The following E2F4 variants were observed in gnomAD, a reference collection of about 807,000 sequenced individuals.
E2F4 encodes the protein E2F transcription factor 4.
A neutral mutation model predicts 44.5 loss-of-function variants in E2F4; 16 were observed. That is an observed-to-expected ratio of 0.36 (90% confidence interval 0.24 to 0.55). The LOEUF (loss-of-function observed/expected upper bound fraction) is 0.55, where lower values mean the gene tolerates loss of function less well. Among genes scored for constraint, E2F4 ranks in the 20% least tolerant of loss-of-function variants. The probability of loss-of-function intolerance (pLI) is 0.87; values close to 1 mark genes in which losing one functional copy is unlikely to be tolerated. For missense variants in E2F4, 473 were observed against 522.1 expected (o/e 0.91, Z 0.92); for synonymous variants, 242 against 207.2 (o/e 1.17, Z -1.44).
Position 67,196,365 on chromosome 16 carries a change from AC to A in E2F4, c.1033+366del, listed in dbSNP as rs920310920. Among the ~76,000 whole-genome samples the A allele has an allele frequency of 1.3e-4, 20 of 150,724 alleles. No homozygotes were observed. The East Asian group carries it at 2.0e-3, about 15-fold the overall frequency. ...AGTCACCTTTCAGGTTGCAGCAGTC[AC>A]CCCCCCAGCCCCAGTGTTACAGCGG... On this transcript the variant is annotated intron_variant, in intron 7 of 9. Coordinates refer to ENST00000379378, the MANE Select transcript of E2F4 (RefSeq NM_001950.4).
intron 1 of E2F4, 103 bp from the exon 2 acceptor site, chr16:67,192,658 C>G (rs1190413846): frequency 8.5e-7 from 1 of 1,172,350 alleles, no homozygotes; most frequent in Admixed American, 2.1e-5. Flanking sequence ...CTGGGAGGCA[C>G]TACAGGGTTG....
Position 67,194,731 on chromosome 16 carries a change from A to G in E2F4, c.559A>G (p.Ser187Gly), listed in dbSNP as rs1369002651. The change falls in exon 6 of 10, where the codon AGT (serine) becomes GGT (glycine). Residue 187 changes from serine to glycine, a missense_variant. By Grantham distance (56) the Ser-to-Gly change is moderately conservative (BLOSUM62 0). This residue lies in a region of E2F4 where 314 missense variants were observed against 315.6 expected (regional missense o/e 0.99). Transcript: ENST00000379378. ...GTACCAGATTCACCTGAAGAGTGTG[A>G]GTGGTCCCATTGAGGTTCTGCTGGT... The part of the protein sequence containing the change: ...KKYQIHLKSV[S>G]GPIEVLLVNK... The G allele has an allele frequency of 1.2e-6, 2 of 1,614,148 alleles. No individual in the cohort carries two copies. The highest frequency in any genetic ancestry group is 4.5e-5 in the East Asian group (2 of 44,882).
chr16:67,195,667 C>T (rs1567688433), intron 6 of E2F4, 115 bp from the exon 7 acceptor site: 3 of 1,534,778 alleles, frequency 2.0e-6, no homozygotes, highest in East Asian at 4.8e-5. Context: ...ATGCCTAATT[C>T]TCCTTGGGTC....
intron 6 of E2F4, chr16:67,195,577 C>T (rs961039359): frequency 2.6e-5 from 28 of 1,097,130 alleles, no homozygotes; most frequent in Middle Eastern, 3.1e-4. Flanking sequence ...ATGTTGACCA[C>T]GAGTCTTCTT....
chr16:67,197,523 A>G, intron 7 of E2F4, 76 bp from the exon 8 acceptor site: 1 of 1,497,870 alleles, frequency 6.7e-7, no homozygotes, highest in South Asian at 1.1e-5. Flanking sequence ...GTGGTATAGG[A>G]TCCGAGGAAG....
intron 5 of E2F4, 96 bp from the exon 6 acceptor site, chr16:67,194,590 G>A: frequency 6.4e-7 from 1 of 1,567,826 alleles, no homozygotes. Context: ...GGCATCCTGG[G>A]TGGGAGAGGA....
Position 67,198,849 on chromosome 16 carries a change from C to T in E2F4, c.*726C>T, listed in dbSNP as rs2142215630. On this transcript the variant is annotated 3_prime_UTR_variant, in exon 10 of 10. Transcript: ENST00000379378. ...TTCCTATATAAAGATTATTTTTATA[C>T]TTTTTGCAGCAAAAGGAAATTGTAA... 2.6e-6 allele frequency: 1 copy of T among 389,900 alleles called. No homozygotes were observed. The highest frequency in any genetic ancestry group is 4.6e-6 in the Non-Finnish European group (1 of 216,692). 24.2% of individuals were successfully genotyped at this position (389,900 alleles called of 1,614,324 possible).
In E2F4 at chr16:67,197,880, G is replaced by A. The variant is rs757660011; in HGVS notation, c.1095G>A (p.Ser365=). ...CTCCATTCCCAGAGTGCATGAGCTC[G>A]GAGCTGCTGGAGGAGTTGATGTCCT... ...IFDPTRECMS[S]ELLEELMSSE... is the part of the protein sequence containing the mutation. Residue 365 remains serine, a synonymous_variant, in exon 9 of 10, where the codon TCG becomes TCA. Coordinates refer to ENST00000379378, the MANE Select transcript of E2F4 (RefSeq NM_001950.4). The A allele has an allele frequency of 5.6e-6, 9 of 1,613,986 alleles. No individual in the cohort carries two copies. The highest frequency in any genetic ancestry group is 1.3e-5 in the African/African-American group (1 of 74,882).
At chr16:67,197,504 T>C in intron 7 of E2F4, 95 bp from the exon 8 acceptor site, 1 of 1,291,406 alleles carries the variant, frequency 7.7e-7, no homozygotes. Flanking sequence ...GTGTGGAGCC[T>C]CAGGGTGGGT....
chr16:67,192,215 G>C lies in E2F4; in HGVS notation c.-13G>C. 3 of 1,247,118 alleles carry C rather than the reference G, an allele frequency of 2.4e-6. No homozygotes were observed. Among genetic ancestry groups the C allele is most frequent in the Non-Finnish European group, 3.0e-6 (3 of 995,604 alleles). The allele number at this position is 1,247,118 out of a possible 1,614,324, so 77.3% of individuals were successfully genotyped here. A position where few individuals can be genotyped will look rare whatever the true frequency, so the allele number is the denominator to read the frequency against. On this transcript the variant is annotated 5_prime_UTR_variant, in exon 1 of 10. Transcript: ENST00000379378. ...GGCCTGGCCTGGCTGAGGGGAGGCG[G>C]CGGGCGGGCGCGATGGCGGAGGCCG...
chr16:67,192,701 T>A, intron 1 of E2F4, 60 bp from the exon 2 acceptor site: 2 of 1,487,176 alleles, frequency 1.3e-6, no homozygotes, highest in South Asian at 2.4e-5. Context: ...AGACCACGTC[T>A]CAGGGTGGCT....
intron 1 of E2F4, 193 bp downstream of exon 1, chr16:67,192,555 G>A (rs2032903782): frequency 4.9e-6 from 5 of 1,014,002 alleles, no homozygotes; most frequent in Non-Finnish European, 7.0e-6. Flanking sequence ...GGCCAGGCTC[G>A]GGCTGCAGGT....
chr16:67,194,331 G>A, intron 4 of E2F4, 67 bp from the exon 5 acceptor site: 1 of 1,565,190 alleles, frequency 6.4e-7, no homozygotes, highest in Non-Finnish European at 8.8e-7. Context: ...GCTCCAAAAG[G>A]CAGGCACCTC....
intron 5 of E2F4, 109 bp from the exon 6 acceptor site, chr16:67,194,577 A>G: frequency 6.4e-7 from 1 of 1,567,346 alleles, no homozygotes. Context: ...ATCTAGGAGG[A>G]TGGGCATCCT....
At position 67,195,924 on chromosome 16, in the gene E2F4, C is replaced by CAGT. The variant is rs1555554102; in HGVS notation, c.953_954insTAG (p.Ser319dup). 129 of 1,613,592 alleles carry CAGT rather than the reference C, an allele frequency of 8.0e-5. 1 individual carries two copies. The South Asian group carries it at 1.3e-3, about 16-fold the overall frequency. ...GCAGCAGCAGCAGCAGCAGCAGCAG[C>CAGT]AGCAGCAACAGTAACAGCAGCAGTT... On this transcript the variant is annotated inframe_insertion, in exon 7 of 10. Coordinates refer to ENST00000379378, the MANE Select transcript of E2F4 (RefSeq NM_001950.4).
chr16:67,193,649 G>T (rs916958567), intron 4 of E2F4, 134 bp downstream of exon 4: 5 of 969,112 alleles, frequency 5.2e-6, no homozygotes, highest in Non-Finnish European at 8.0e-6. Context: ...AACCAGGCAG[G>T]GTAAGTCTTC....
chr16:67,194,551 C>T, intron 5 of E2F4, 92 bp downstream of exon 5: 3 of 1,582,454 alleles, frequency 1.9e-6, no homozygotes, highest in Non-Finnish European at 1.7e-6. Flanking sequence ...TAGGGGGAGG[C>T]CTGGAGTTTG....
At position 67,194,367 on chromosome 16, in the gene E2F4, G is replaced by A. The variant is rs376579427; in HGVS notation, c.452-31G>A. ...TGTTCCCAGCTCAGATTGAGCCCAT[G>A]GGCTCTGACCCATTCTCCATGTCAT... is the stretch of plus-strand genomic sequence containing the variant. On this transcript the variant is annotated intron_variant, in intron 4 of 9. Coordinates refer to ENST00000379378, the MANE Select transcript of E2F4 (RefSeq NM_001950.4). 6.5e-5 allele frequency: 104 copies of A among 1,612,328 alleles called. 1 individual carries two copies. The African/African-American group carries it at 1.3e-3, about 20-fold the overall frequency.
intron 3 of E2F4, 78 bp from the exon 4 acceptor site, chr16:67,193,394 T>C: frequency 6.3e-7 from 1 of 1,577,578 alleles, no homozygotes; most frequent in Non-Finnish European, 8.7e-7. Context: ...TGTCAGACCT[T>C]AGCTAAAGAA....
Sources: gnomAD v4.1 joint callset for allele counts (sites outside exome capture counted in the v4.1 genomes callset) on GRCh38, gnomAD v4.1.1 for gene constraint, gnomAD v4.1.1 regional missense constraint, MANE v1.5 for transcripts, NCBI Gene and HGNC (gene_info 2026-07-23, HGNC 2026-07-21) for gene names.